The following DLGAP1 variants were observed in gnomAD, a reference collection of about 807,000 sequenced individuals.
DLGAP1 encodes DLG associated protein 1.
In DLGAP1, 11 loss-of-function variants were observed where a neutral mutation model predicts 90.8. The observed-to-expected ratio is 0.12, with a 90% CI of 0.08 to 0.20. DLGAP1 has a LOEUF of 0.20. DLGAP1 is among the 10% of genes least tolerant of loss of function. The pLI is 1.00. For synonymous variants in DLGAP1, 558 were observed against 540.7 expected, an observed-to-expected ratio of 1.03 and a Z score of -0.44; for missense variants, 1,050 against 1,333.8, an observed-to-expected ratio of 0.79 and a Z score of 3.31.
intron 1 of DLGAP1, among the ~76,000 whole-genome samples, chr18:4,241,107 C>T (rs1302189625): frequency 6.6e-6 from 1 of 152,072 alleles, no homozygotes; most frequent in Non-Finnish European, 1.5e-5. Flanking sequence ...ATAAGTTACC[C>T]AGGGCTTGAG....
At chr18:3,728,566 C>A (rs760039583) in intron 7 of DLGAP1, among the ~76,000 whole-genome samples, 2 of 151,964 alleles carry the variant, frequency 1.3e-5, no homozygotes, top group African/African-American at 4.8e-5. Flanking sequence ...CAGGATAGAT[C>A]GAAGTTTTAA....
intron 1 of DLGAP1, among the ~76,000 whole-genome samples, chr18:4,250,745 A>G (rs2078762218): frequency 6.6e-6 from 1 of 152,192 alleles, no homozygotes; most frequent in Non-Finnish European, 1.5e-5. Flanking sequence ...TCCATTTAAT[A>G]GACTCTAGTG....
At chr18:3,928,961 T>C (rs957746129) in intron 3 of DLGAP1, among the ~76,000 whole-genome samples, 6 of 152,158 alleles carry the variant, frequency 3.9e-5, no homozygotes, top group East Asian at 3.9e-4. Context: ...TGTCTCGTGA[T>C]TGAGTTCTCA....
intron 1 of DLGAP1, among the ~76,000 whole-genome samples, chr18:4,246,098 A>T (rs1370140244): frequency 6.6e-6 from 1 of 152,076 alleles, no homozygotes; most frequent in Non-Finnish European, 1.5e-5. Context: ...TATTCCTATT[A>T]AAGTATGTGT....
chr18:4,203,751 T>C (rs1393107037), intron 1 of DLGAP1, among the ~76,000 whole-genome samples: 1 of 152,196 alleles, frequency 6.6e-6, no homozygotes, highest in East Asian at 1.9e-4. Context: ...AACATGGTAC[T>C]TGGCTTTGGA....
chr18:4,436,306 A>ACCTAAAAG (rs1567921209), intron 1 of DLGAP1, among the ~76,000 whole-genome samples: 1 of 152,128 alleles, frequency 6.6e-6, no homozygotes. Flanking sequence ...GGAGACAGGA[A>ACCTAAAAG]CCTAAAAGCC....
intron 3 of DLGAP1, among the ~76,000 whole-genome samples, chr18:3,946,698 GA>G (rs1418006368): frequency 2.6e-5 from 4 of 152,206 alleles, no homozygotes; most frequent in Non-Finnish European, 5.9e-5. Context: ...TCTAACTAAT[GA>G]AAACCTTTCT....
chr18:4,213,194 T>G (rs560425498), intron 1 of DLGAP1, among the ~76,000 whole-genome samples: 1 of 151,696 alleles, frequency 6.6e-6, no homozygotes, highest in African/African-American at 2.4e-5. Context: ...AACATGAGAG[T>G]TGGTACCAAG....
intron 2 of DLGAP1, among the ~76,000 whole-genome samples, chr18:4,088,853 T>C (rs1207886428): frequency 1.3e-5 from 2 of 152,190 alleles, no homozygotes; most frequent in Non-Finnish European, 2.9e-5. Flanking sequence ...TCATACTGAA[T>C]GGGCAAAAGC....
intron 2 of DLGAP1, among the ~76,000 whole-genome samples, chr18:4,103,043 T>C (rs752870299): frequency 9.8e-5 from 15 of 152,354 alleles, no homozygotes; most frequent in Non-Finnish European, 2.1e-4. Context: ...TGCAAGTGTG[T>C]ACTCCTTTTC....
At chr18:4,215,217 G>A (rs2077927650) in intron 1 of DLGAP1, among the ~76,000 whole-genome samples, 1 of 151,996 alleles carries the variant, frequency 6.6e-6, no homozygotes, top group African/African-American at 2.4e-5. Context: ...TATTTTTATT[G>A]CATTAATTTA....
intron 4 of DLGAP1, among the ~76,000 whole-genome samples, chr18:3,875,247 C>T (rs1223693): frequency 0.086 from 13,101 of 152,160 alleles, 1,732 homozygotes; most frequent in African/African-American, 0.28. Context: ...ATAAAAAATA[C>T]GCACTCATTT....
At position 3,814,243 on chromosome 18, in the gene DLGAP1, G is replaced by C; in HGVS notation, c.988C>G (p.Pro330Ala). The change falls in exon 5 of 13, where the codon CCA (proline) becomes GCA (alanine). Residue 330 changes from proline (P) to alanine (A), a missense_variant. Around this residue, in one of 2 missense-constraint regions of DLGAP1, gnomAD observed 565 missense variants for 879.7 expected, o/e 0.64. Transcript: ENST00000315677. ...VPQDEWTGYT[P>A]RGKDDEIPCR... ...GGAATTTCATCATCTTTACCTCGTGGGGTGTACCCTGTCCATTCATCTTGT... is the reference window on the plus strand; with the variant it reads ...GGAATTTCATCATCTTTACCTCGTGCGGTGTACCCTGTCCATTCATCTTGT... 6.2e-7 allele frequency: 1 copy of C among 1,614,078 alleles called. No homozygotes were observed. The highest frequency in any genetic ancestry group is 8.5e-7 in the Non-Finnish European group (1 of 1,180,022).
Position 4,264,427 on chromosome 18 carries a change from C to T in DLGAP1, c.-266-113140G>A, listed in dbSNP as rs1200133918. On this transcript the variant is annotated intron_variant, in intron 1 of 12. Transcript: ENST00000315677. The stretch of plus-strand genomic sequence containing the variant: ...TATTGTGTAAGATTTTCTCTTAATC[C>T]TTGATGATCTGTCAGTAGCTAGATT... Among the ~76,000 whole-genome samples, 4 of 152,308 alleles carry T rather than the reference C, an allele frequency of 2.6e-5. No individual in the cohort carries two copies. The East Asian group carries it at 7.7e-4, about 29-fold the overall frequency.
rs1302465385 is a variant in DLGAP1, at chr18:3,600,847, G to GATATATAGAT, written c.1592-18609_1592-18600dup. On this transcript the variant is annotated intron_variant, in intron 7 of 12. Coordinates refer to ENST00000315677, the MANE Select transcript of DLGAP1 (RefSeq NM_004746.4). ...ATATAGATATATATAGATATATATA[G>GATATATAGAT]ATATATAGATATATATAGATATATA... Among the ~76,000 whole-genome samples the GATATATAGAT allele has an allele frequency of 1.5e-4, 4 of 27,358 alleles. 1 individual carries two copies. The highest frequency in any genetic ancestry group is 1.9e-3 in the South Asian group (2 of 1,044). 17.9% of individuals were successfully genotyped at this position (27,358 alleles called of 152,430 possible).
intron 9 of DLGAP1, among the ~76,000 whole-genome samples, chr18:3,547,883 A>G (rs964459268): frequency 6.6e-6 from 1 of 152,246 alleles, no homozygotes; most frequent in African/African-American, 2.4e-5. Flanking sequence ...AAAATGTGGT[A>G]TATCTAGGCA....
Position 4,342,992 on chromosome 18 carries a change from T to G in DLGAP1, c.-267+112014A>C, listed in dbSNP as rs2081225688. ...GGATTGTACTGGGATAAATATAATC[T>G]AAATCATAGTTGAACACTAAGTTTG... On this transcript the variant is annotated intron_variant, in intron 1 of 12. Coordinates refer to ENST00000315677, the MANE Select transcript of DLGAP1 (RefSeq NM_004746.4). The surrounding 1 kb of genome is among the most constrained non-coding windows in gnomAD (Gnocchi z 5.8). Among the ~76,000 whole-genome samples the G allele has an allele frequency of 6.6e-6, 1 of 152,176 alleles. No individual in the cohort carries two copies. The highest frequency in any genetic ancestry group is 2.1e-4 in the South Asian group (1 of 4,834).
In DLGAP1 at chr18:3,600,715, G is replaced by GAGATATAGATATATATAGAT; in HGVS notation, c.1592-18468_1592-18467insATCTATATATATCTATATCT. 6.2e-5 allele frequency among the ~76,000 whole-genome samples: 4 copies of GAGATATAGATATATATAGAT among 64,434 alleles called. 2 individuals are homozygous for GAGATATAGATATATATAGAT. The highest frequency in any genetic ancestry group is 1.1e-4 in the Non-Finnish European group (4 of 36,362). 42.3% of individuals were successfully genotyped at this position (64,434 alleles called of 152,430 possible). ...CTATATAGATATCTATAGCTATATAGATATAGAGATATAGATATATATAGA... is the reference window on the plus strand; with the variant it reads ...CTATATAGATATCTATAGCTATATAGAGATATAGATATATATAGATATATAGAGATATAGATATATATAGA... On this transcript the variant is annotated intron_variant, in intron 7 of 12. Coordinates refer to ENST00000315677, the MANE Select transcript of DLGAP1 (RefSeq NM_004746.4).
intron 2 of DLGAP1, among the ~76,000 whole-genome samples, chr18:4,133,551 A>G (rs1277051882): frequency 6.6e-6 from 1 of 152,162 alleles, no homozygotes; most frequent in African/African-American, 2.4e-5. Flanking sequence ...GGCCACAGGA[A>G]GTATTATGCC....
Sources: allele counts gnomAD v4.1 joint callset (sites outside exome capture counted in the v4.1 genomes callset), GRCh38; gene constraint gnomAD v4.1.1; regional missense constraint gnomAD v4.1.1; non-coding constraint Gnocchi (gnomAD v3.1); transcripts MANE v1.5; gene names NCBI Gene and HGNC (gene_info 2026-07-23, HGNC 2026-07-21).